CLEC3B: variants seen among roughly 807,000 people sequenced by gnomAD.
CLEC3B encodes the protein tetranectin.
In CLEC3B, 13 loss-of-function variants were observed where a neutral mutation model predicts 15.4. That is an observed-to-expected ratio of 0.84 (90% CI 0.55 to 1.34). The LOEUF (loss-of-function observed/expected upper bound fraction) is 1.34, where lower values mean the gene tolerates loss of function less well. Among genes scored for constraint, CLEC3B ranks in the 40% most tolerant of loss-of-function variants. The pLI, the probability that CLEC3B is intolerant of heterozygous loss-of-function variation, is 0.00. For missense variants in CLEC3B, 242 were observed against 268.6 expected (o/e 0.90, Z 0.69); for synonymous variants, 112 against 114.7 (o/e 0.98, Z 0.15).
chr3:45,029,074 TCA>T (rs1697520600), intron 1 of CLEC3B, among the ~76,000 whole-genome samples: 1 of 152,108 alleles, frequency 6.6e-6, no homozygotes, highest in African/African-American at 2.4e-5. Context: ...AACCTGAGGC[TCA>T]GAGAGTGGGC....
At chr3:45,034,440 T>C (rs939310) in intron 2 of CLEC3B, 73,794 of 151,976 alleles carry the variant, frequency 0.49, 18,676 homozygotes, top group East Asian at 0.86. Flanking sequence ...TGGGAATGGA[T>C]AGAGGGGAGT....
Position 45,035,992 on chromosome 3 carries a change from G to A in CLEC3B, c.*68G>A, listed in dbSNP as rs1271486852. On this transcript the variant is annotated 3_prime_UTR_variant, in exon 3 of 3. Transcript: ENST00000296130. The stretch of plus-strand genomic sequence containing the variant: ...GCCGCGGGAGGCCGGGAGGAGGGTG[G>A]GGACCTTGCAGCCCCCATCCTCTCC... The A allele has an allele frequency of 2.8e-6, 4 of 1,447,196 alleles. No homozygotes were observed. The Admixed American group carries it at 7.0e-5, about 25-fold the overall frequency. The allele number at this position is 1,447,196 out of a possible 1,614,324, so 89.6% of individuals were successfully genotyped here.
intron 2 of CLEC3B, among the ~76,000 whole-genome samples, chr3:45,033,136 C>T (rs1697587717): frequency 6.6e-6 from 1 of 152,204 alleles, no homozygotes; most frequent in Admixed American, 6.5e-5. Flanking sequence ...CTCTGAGCCT[C>T]AGTTTCCTCA....
chr3:45,031,423 T>C (rs1697552487), intron 2 of CLEC3B, among the ~76,000 whole-genome samples: 1 of 152,240 alleles, frequency 6.6e-6, no homozygotes, highest in African/African-American at 2.4e-5. Context: ...ATTTTAAAGA[T>C]GAGCTGTCAG....
rs117301308 is a variant in CLEC3B, at chr3:45,028,773, G to A, written c.110-2054G>A. Among the ~76,000 whole-genome samples the A allele has an allele frequency of 5.3e-4, 80 of 152,294 alleles. 5 individuals carry two copies. The East Asian group carries it at 0.014, about 27-fold the overall frequency. ...ACGGGAGAAAGTCCAAAGAAGGGAC[G>A]GTCATGCCAGAGGAGACCAGTTGGT... is the stretch of plus-strand genomic sequence containing the variant. On this transcript the variant is annotated intron_variant, in intron 1 of 2. Coordinates refer to ENST00000296130, the MANE Select transcript of CLEC3B (RefSeq NM_003278.3).
chr3:45,035,192 G>A (rs1381312344), intron 2 of CLEC3B, among the ~76,000 whole-genome samples: 2 of 152,208 alleles, frequency 1.3e-5, no homozygotes, highest in African/African-American at 4.8e-5. Context: ...AGATGGGGTG[G>A]GTAAAGGCCA....
At position 45,030,960 on chromosome 3, in the gene CLEC3B, G is replaced by A. The variant is rs73833108; in HGVS notation, c.208+35G>A. 2.1e-3 allele frequency: 3,006 copies of A among 1,457,986 alleles called. 59 individuals are homozygous for A. The African/African-American group carries it at 0.036, about 17-fold the overall frequency. The allele number at this position is 1,457,986 out of a possible 1,614,324, so 90.3% of individuals were successfully genotyped here. A position where few individuals can be genotyped will look rare whatever the true frequency, so the allele number is the denominator to read the frequency against. On this transcript the variant is annotated intron_variant, in intron 2 of 2. Transcript: ENST00000296130. ...GGCAGTAGCCTCTCTGGGCAGGAGC[G>A]TCTGAGAGAAGGGCCCAGGCCAGCA...
chr3:45,033,848 C>CT (rs1267419140), intron 2 of CLEC3B, among the ~76,000 whole-genome samples: 1 of 152,160 alleles, frequency 6.6e-6, no homozygotes, highest in African/African-American at 2.4e-5. Context: ...TGGAGTTTAA[C>CT]CCACAGGAGA....
rs1357428915 is a variant in CLEC3B at position 45,035,820 on chromosome 3, A to T, written c.505A>T (p.Lys169Ter). ...GATCACCGCGCAACCCGATGGCGGC[A>T]AGACCGAGAACTGCGCGGTCCTGTC... ...TEITAQPDGG[K>*]TENCAVLSGA... The change falls in exon 3 of 3, where the codon AAG becomes TAG. Residue 169 changes from lysine to a stop codon, truncating the protein, a stop_gained. Transcript: ENST00000296130. LOFTEE classifies it high-confidence loss of function. 3.1e-6 allele frequency: 5 copies of T among 1,613,238 alleles called. No individual in the cohort carries two copies. The highest frequency in any genetic ancestry group is 4.2e-6 in the Non-Finnish European group (5 of 1,179,976).
intron 1 of CLEC3B, among the ~76,000 whole-genome samples, chr3:45,029,050 C>T: frequency 6.6e-6 from 1 of 152,196 alleles, no homozygotes; most frequent in East Asian, 1.9e-4. Context: ...TCCATTCTAA[C>T]ATCACGCAGA....
At chr3:45,034,638 C>T (rs1697612112) in intron 2 of CLEC3B, 1 of 152,178 alleles carries the variant, frequency 6.6e-6, no homozygotes, top group Non-Finnish European at 1.5e-5. Flanking sequence ...AACTGCAAAA[C>T]AAAAATAGAT....
intron 1 of CLEC3B, among the ~76,000 whole-genome samples, chr3:45,027,805 G>A (rs994410630): frequency 6.6e-6 from 1 of 152,194 alleles, no homozygotes; most frequent in Admixed American, 6.5e-5. Flanking sequence ...CACCAAGGGA[G>A]AGCCTTTGTA....
At chr3:45,027,352 A>C (rs1697497688) in intron 1 of CLEC3B, among the ~76,000 whole-genome samples, 1 of 152,198 alleles carries the variant, frequency 6.6e-6, no homozygotes, top group South Asian at 2.1e-4. Flanking sequence ...ACAGTTGCCC[A>C]CTGGCCAGGA....
intron 2 of CLEC3B, 94 bp from the exon 3 acceptor site, chr3:45,035,430 T>C: frequency 1.3e-6 from 2 of 1,489,012 alleles, no homozygotes; most frequent in East Asian, 4.6e-5. Flanking sequence ...ATAAACGGGA[T>C]GGGATGGAGG....
In CLEC3B at chr3:45,035,504, C is replaced by T; in HGVS notation, c.209-20C>T. 1.3e-6 allele frequency: 2 copies of T among 1,570,284 alleles called. No homozygotes were observed. The highest frequency in any genetic ancestry group is 1.2e-5 in the South Asian group (1 of 84,308). ...GGAACAGGGGGACCTTCGGTGACAG[C>T]CATTTCTCCCCACTCCCAGTCTGCC... On this transcript the variant is annotated intron_variant, in intron 2 of 2. Transcript: ENST00000296130.
At chr3:45,028,913 T>G (rs1697518256) in intron 1 of CLEC3B, among the ~76,000 whole-genome samples, 1 of 151,968 alleles carries the variant, frequency 6.6e-6, no homozygotes, top group African/African-American at 2.4e-5. Flanking sequence ...GAGCCTAGAG[T>G]ACTTCTGGGA....
rs1324156048 is a variant in CLEC3B, at chr3:45,035,942, G to GT, written c.*19dup. On this transcript the variant is annotated 3_prime_UTR_variant, in exon 3 of 3. Transcript: ENST00000296130. ...TCGTGTAGCCGGCGGGGCGGGGGCCGTGGGGGGCCTGGAGGAGGGCAGGGG... is the reference window on the plus strand; with the variant it reads ...TCGTGTAGCCGGCGGGGCGGGGGCCGTTGGGGGGCCTGGAGGAGGGCAGGGG... 7.7e-6 allele frequency: 12 copies of GT among 1,563,008 alleles called. No homozygotes were observed. The Middle Eastern group carries it at 1.3e-3, about 170-fold the overall frequency.
At chr3:45,032,035 C>T (rs551022290) in intron 2 of CLEC3B, among the ~76,000 whole-genome samples, 3 of 151,950 alleles carry the variant, frequency 2.0e-5, no homozygotes, top group South Asian at 2.1e-4. Context: ...TTGTGACAGC[C>T]GAAAGGAGCA....
chr3:45,035,386 T>G (rs1559760605), intron 2 of CLEC3B, 138 bp from the exon 3 acceptor site: 1 of 1,149,568 alleles, frequency 8.7e-7, no homozygotes, highest in East Asian at 2.5e-5. Context: ...GGACCCCTTT[T>G]GCCTGGGTCT....
Sources: allele counts gnomAD v4.1 joint callset (sites outside exome capture counted in the v4.1 genomes callset), GRCh38; gene constraint gnomAD v4.1.1; transcripts MANE v1.5; gene names NCBI Gene and HGNC (gene_info 2026-07-23, HGNC 2026-07-21).